Variants in KLRC2 observed in about 807,000 individuals in gnomAD.
The protein encoded by KLRC2 is killer cell lectin like receptor C2, also known as NKG2-C type II integral membrane protein.
A neutral mutation model predicts 25.5 loss-of-function variants in KLRC2; 10 were observed. The ratio of observed to expected loss-of-function variants is 0.39; its 90% CI spans 0.24 to 0.67. KLRC2 has a LOEUF of 0.67. Ranked by LOEUF, KLRC2 falls within the 30% of genes least tolerant of loss-of-function variation. The pLI is 0.45. For synonymous variants in KLRC2, 48 were observed against 93.3 expected (o/e 0.51, Z 2.80); for missense variants, 170 against 272.8 (o/e 0.62, Z 2.65).
intron 1 of KLRC2, 62 bp downstream of exon 1, chr12:10,435,738 C>T: frequency 6.8e-7 from 1 of 1,474,428 alleles, no homozygotes; most frequent in Non-Finnish European, 9.3e-7. Context: ...TCTTTCCTCA[C>T]CCTTCTGCAT....
chr12:10,434,569 A>G lies in KLRC2; in HGVS notation c.287-39T>C, dbSNP rs186654955. On this transcript the variant is annotated intron_variant, in intron 2 of 5. Coordinates refer to ENST00000381902, the MANE Select transcript of KLRC2 (RefSeq NM_002260.4). Reference sequence around the variant, plus strand: ...ATTAAAATGATTTTTATAAAAACTGATATCTAGATAAACCATAACGAGTTT... The same window carrying G: ...ATTAAAATGATTTTTATAAAAACTGGTATCTAGATAAACCATAACGAGTTT... 1,462 of 1,410,320 alleles carry G rather than the reference A, an allele frequency of 1.0e-3. No homozygotes were observed. The African/African-American group carries it at 0.019, about 19-fold the overall frequency. 87.4% of individuals were successfully genotyped at this position (1,410,320 alleles called of 1,614,324 possible). A position where few individuals can be genotyped will look rare whatever the true frequency, so the allele number is the denominator to read the frequency against.
chr12:10,434,155 C>A, intron 3 of KLRC2: 1 of 832,884 alleles, frequency 1.2e-6, no homozygotes. Flanking sequence ...CCATATAAAG[C>A]AAATGAACAA....
rs1863843914 is a variant in KLRC2 at position 10,434,093 on chromosome 12, G to A, written c.332-151C>T. 4.9e-6 allele frequency: 6 copies of A among 1,225,846 alleles called. 2 individuals are homozygous for A. Among genetic ancestry groups the A allele is most frequent in the Middle Eastern group, 4.1e-4 (2 of 4,922 alleles). 75.9% of individuals were successfully genotyped at this position (1,225,846 alleles called of 1,614,324 possible). ...ATGTATATTTTTAATAACTGAGTCAGTCATACACACATGCACAGACAAGGG... is the reference window on the plus strand; with the variant it reads ...ATGTATATTTTTAATAACTGAGTCAATCATACACACATGCACAGACAAGGG... On this transcript the variant is annotated intron_variant, in intron 3 of 5. Transcript: ENST00000381902.
At position 10,432,052 on chromosome 12, in the gene KLRC2, C is replaced by T; in HGVS notation, c.584+54G>A. 2.4e-6 allele frequency: 3 copies of T among 1,255,158 alleles called. No individual in the cohort carries two copies. In the East Asian group the frequency reaches 8.5e-5, roughly 35 times the overall value. 77.8% of individuals were successfully genotyped at this position (1,255,158 alleles called of 1,614,324 possible). A position where few individuals can be genotyped will look rare whatever the true frequency, so the allele number is the denominator to read the frequency against. Reference sequence around the variant, plus strand: ...ACATAAATTTATTCATATTATTCTTCTGAATTTATCCTTTATATATATTTT... The same window carrying T: ...ACATAAATTTATTCATATTATTCTTTTGAATTTATCCTTTATATATATTTT... On this transcript the variant is annotated intron_variant, in intron 5 of 5. Transcript: ENST00000381902.
Position 10,432,070 on chromosome 12 carries a change from T to G in KLRC2, c.584+36A>C, listed in dbSNP as rs367808288. 1.8e-5 allele frequency: 24 copies of G among 1,353,380 alleles called. 3 individuals are homozygous for G. Among genetic ancestry groups the G allele is most frequent in the Non-Finnish European group, 2.3e-5 (23 of 982,412 alleles). The allele number at this position is 1,353,380 out of a possible 1,614,324, so 83.8% of individuals were successfully genotyped here. A position where few individuals can be genotyped will look rare whatever the true frequency, so the allele number is the denominator to read the frequency against. On this transcript the variant is annotated intron_variant, in intron 5 of 5. Coordinates refer to ENST00000381902, the MANE Select transcript of KLRC2 (RefSeq NM_002260.4). ...TATTCTTCTGAATTTATCCTTTATA[T>G]ATATTTTTTATATAGCGCCATACAA...
chr12:10,435,665 C>T (rs1411168395), intron 1 of KLRC2, 135 bp downstream of exon 1: 1 of 1,108,608 alleles, frequency 9.0e-7, no homozygotes, highest in African/African-American at 1.7e-5. Flanking sequence ...CTTCTGATTT[C>T]ATATTAGAAT....
At position 10,433,822 on chromosome 12, in the gene KLRC2, C is replaced by T; in HGVS notation, c.452G>A (p.Ser151Asn). Residue 151 changes from serine to asparagine, a missense_variant, in exon 4 of 6, where the codon AGT becomes AAT. By Grantham distance (46) the Ser-to-Asn change is conservative (BLOSUM62 1). This residue lies in a region of KLRC2 where 129 missense variants were observed against 150.2 expected (regional missense o/e 0.86). Coordinates refer to ENST00000381902, the MANE Select transcript of KLRC2 (RefSeq NM_002260.4). ...TTCTTCATTATCTATAGAAAGCAGA[C>T]TGGAGTTCTTCGAAGTACAGGCCAG... ...SLLACTSKNS[S>N]LLSIDNEEEM... 6.5e-7 allele frequency: 1 copy of T among 1,550,046 alleles called. No individual in the cohort carries two copies. The highest frequency in any genetic ancestry group is 8.8e-7 in the Non-Finnish European group (1 of 1,136,002).
chr12:10,431,159 C>T lies in KLRC2; in HGVS notation c.654G>A (p.Gln218=), dbSNP rs541317905. Residue 218 remains glutamine, a synonymous_variant, in exon 6 of 6, where the codon CAG becomes CAA. Transcript: ENST00000381902. ...VLQVNRLKSA[Q]CGSSMIYHCK... is the part of the protein sequence containing the mutation. The stretch of plus-strand genomic sequence containing the variant: ...AATGATATATCATTGAAGATCCACA[C>T]TGGGCTGATTTAAGTCGATTTACTT... The T allele has an allele frequency of 5.2e-6, 8 of 1,547,970 alleles. No homozygotes were observed. The South Asian group carries it at 7.9e-5, about 15-fold the overall frequency.
chr12:10,431,430 G>A (rs1863813751), intron 5 of KLRC2: 1 of 576,786 alleles, frequency 1.7e-6, no homozygotes, highest in Non-Finnish European at 3.0e-6. Context: ...AGACCCCAGT[G>A]GATGCCTGAA....
Position 10,431,141 on chromosome 12 carries a change from T to C in KLRC2, c.672A>G (p.Ile224Met), listed in dbSNP as rs745862854. 5 of 1,540,368 alleles carry C rather than the reference T, an allele frequency of 3.2e-6. No individual in the cohort carries two copies. The Admixed American group carries it at 5.1e-5, about 16-fold the overall frequency. ...LKSAQCGSSM[I>M]YHCKHKL ...TCTAAAGCTTATGCTTACAATGATA[T>C]ATCATTGAAGATCCACACTGGGCTG... Residue 224 changes from isoleucine to methionine, a missense_variant, in exon 6 of 6, where the codon ATA (isoleucine) becomes ATG (methionine). By Grantham distance (10) the Ile-to-Met change is conservative. Around this residue, in one of 3 missense-constraint regions of KLRC2, gnomAD observed 129 missense variants for 150.2 expected, o/e 0.86. Transcript: ENST00000381902.
chr12:10,432,064 T>C, intron 5 of KLRC2, 42 bp downstream of exon 5: 2 of 1,327,306 alleles, frequency 1.5e-6, no homozygotes, highest in Non-Finnish European at 2.1e-6. Context: ...GAATTTATCC[T>C]TTATATATAT....
Position 10,434,517 on chromosome 12 carries a change from G to A in KLRC2, c.300C>T (p.Asn100=), listed in dbSNP as rs771997703. The change falls in exon 3 of 6, where the codon AAC becomes AAT. Residue 100 remains asparagine, a synonymous_variant. Coordinates refer to ENST00000381902, the MANE Select transcript of KLRC2 (RefSeq NM_002260.4). ...GCGTTCTTGTATTCGGGGAAAAATT[G>A]TTCTGCTCCAGGACTGTAATAGAAA... ...TIVLIPFLEQ[N]NFSPNTRTQK... The A allele has an allele frequency of 6.4e-7, 1 of 1,558,860 alleles. No individual in the cohort carries two copies. The highest frequency in any genetic ancestry group is 1.7e-5 in the Admixed American group (1 of 59,286).
In KLRC2 at chr12:10,432,107, T is replaced by C. The variant is rs140704721; in HGVS notation, c.583A>G (p.Lys195Glu). The change falls in exon 5 of 6, where the codon AAG becomes GAG. Residue 195 changes from lysine (K) to glutamate (E), a missense_variant and splice_region_variant. This residue lies in a region of KLRC2 where 129 missense variants were observed against 150.2 expected (regional missense o/e 0.86). Transcript: ENST00000381902. ...ATAGCGCCATACAAAAGAACTTACTTATGTTTGAAAGCCAAACCATTTATT... is the reference window on the plus strand; with the variant it reads ...ATAGCGCCATACAAAAGAACTTACTCATGTTTGAAAGCCAAACCATTTATT... ...VTINGLAFKH[K>E]IKDSDNAELN... is the part of the protein sequence containing the mutation. 1,390 of 1,526,534 alleles carry C rather than the reference T, an allele frequency of 9.1e-4. 203 individuals are homozygous for C. The highest frequency in any genetic ancestry group is 4.7e-3 in the African/African-American group (316 of 67,302). 94.6% of individuals were successfully genotyped at this position (1,526,534 alleles called of 1,614,324 possible). A position where few individuals can be genotyped will look rare whatever the true frequency, so the allele number is the denominator to read the frequency against.
chr12:10,431,621 A>G (rs1354700003), intron 5 of KLRC2, among the ~76,000 whole-genome samples: 1 of 142,162 alleles, frequency 7.0e-6, no homozygotes, highest in African/African-American at 2.7e-5. Flanking sequence ...CTTAAGTAAA[A>G]AAGTAAGCGT....
intron 4 of KLRC2, among the ~76,000 whole-genome samples, chr12:10,432,631 C>G (rs1406145151): frequency 1.4e-5 from 2 of 138,880 alleles, no homozygotes; most frequent in Admixed American, 1.4e-4. Context: ...CATTCTTTAA[C>G]TAGATAAGCC....
chr12:10,432,818 C>CCAA (rs1489093525), intron 4 of KLRC2, among the ~76,000 whole-genome samples: 2 of 134,436 alleles, frequency 1.5e-5, no homozygotes, highest in Non-Finnish European at 3.2e-5. Context: ...TTGTCTGGGA[C>CCAA]CCTAGCATCA....
rs1013693124 is a variant in KLRC2 at position 10,431,102 on chromosome 12, G to C, written c.*15C>G. The C allele has an allele frequency of 3.0e-5, 44 of 1,444,456 alleles. 4 individuals are homozygous for C. The Admixed American group carries it at 6.1e-4, about 20-fold the overall frequency. 89.5% of individuals were successfully genotyped at this position (1,444,456 alleles called of 1,614,324 possible). On this transcript the variant is annotated 3_prime_UTR_variant, in exon 6 of 6. Coordinates refer to ENST00000381902, the MANE Select transcript of KLRC2 (RefSeq NM_002260.4). ...AAAATGTATCTGATGCACTGCAAAC[G>C]CAAATGCTTTACTTCTAAAGCTTAT...
Position 10,430,994 on chromosome 12 carries a change from G to C in KLRC2, c.*123C>G. 8.5e-7 allele frequency: 1 copy of C among 1,174,192 alleles called. No homozygotes were observed. Among genetic ancestry groups the C allele is most frequent in the Non-Finnish European group, 1.1e-6 (1 of 877,444 alleles). 72.7% of individuals were successfully genotyped at this position (1,174,192 alleles called of 1,614,324 possible). On this transcript the variant is annotated 3_prime_UTR_variant, in exon 6 of 6. Transcript: ENST00000381902. Reference sequence around the variant, plus strand: ...TTGTGTGCATCCTATTTCAATAATTGATTTAGAATTTTTGTATCAGAGCAA... The same window carrying C: ...TTGTGTGCATCCTATTTCAATAATTCATTTAGAATTTTTGTATCAGAGCAA...
In KLRC2 at chr12:10,432,073, A is replaced by AT. The variant is rs762368036; in HGVS notation, c.584+32dup. 16 of 1,381,486 alleles carry AT rather than the reference A, an allele frequency of 1.2e-5. 1 individual carries two copies. In the Admixed American group the frequency reaches 2.3e-4, roughly 20 times the overall value. The allele number at this position is 1,381,486 out of a possible 1,614,324, so 85.6% of individuals were successfully genotyped here. On this transcript the variant is annotated intron_variant, in intron 5 of 5. Transcript: ENST00000381902. ...TCTTCTGAATTTATCCTTTATATATATTTTTTATATAGCGCCATACAAAAG... is the reference window on the plus strand; with the variant it reads ...TCTTCTGAATTTATCCTTTATATATATTTTTTTATATAGCGCCATACAAAAG...
Sources: allele counts gnomAD v4.1 joint callset (sites outside exome capture counted in the v4.1 genomes callset), GRCh38; gene constraint gnomAD v4.1.1; regional missense constraint gnomAD v4.1.1; transcripts MANE v1.5; gene names NCBI Gene and HGNC (gene_info 2026-07-23, HGNC 2026-07-21).